EPB42: variants seen among roughly 807,000 people sequenced by gnomAD.
EPB42 encodes erythrocyte membrane protein band 4.2, also known as protein 4.2.
In EPB42, 49 loss-of-function variants were observed where a neutral mutation model predicts 76.9. The observed-to-expected ratio is 0.64, with a 90% confidence interval of 0.51 to 0.81. The LOEUF is 0.81. Among genes scored for constraint, EPB42 ranks in the 30% least tolerant of loss-of-function variants. EPB42 has a pLI of 0.00. For missense variants in EPB42, 731 were observed against 867.6 expected (o/e 0.84, Z 1.98); for synonymous variants, 310 against 338.4 (o/e 0.92, Z 0.92).
intron 12 of EPB42, among the ~76,000 whole-genome samples, chr15:43,197,717 G>C (rs908842910): frequency 6.6e-6 from 1 of 152,176 alleles, no homozygotes; most frequent in Admixed American, 6.5e-5. Flanking sequence ...TTTGTCATCT[G>C]TGACTTCCTT....
chr15:43,209,234 C>G, intron 6 of EPB42, 40 bp downstream of exon 6: 4 of 1,612,612 alleles, frequency 2.5e-6, no homozygotes, highest in Non-Finnish European at 3.4e-6. Context: ...AGGGAACAAC[C>G]CAGGAGGCAG....
At chr15:43,211,595 A>C in intron 3 of EPB42, 61 bp from the exon 4 acceptor site, 1 of 1,112,112 alleles carries the variant, frequency 9.0e-7, no homozygotes, top group Admixed American at 1.7e-5. Context: ...CTCCACATCC[A>C]GGCCTCTGTC....
chr15:43,207,424 G>C lies in EPB42; in HGVS notation c.1093C>G (p.Leu365Val), dbSNP rs760096920. Residue 365 changes from leucine (L) to valine (V), a missense_variant, in exon 9 of 13, where the codon CTG (leucine) becomes GTG (valine). Transcript: ENST00000441366. Reference sequence around the variant, plus strand: ...TCCTTGACTGCTCTGACCGGCACCAGATCACAGGACCCCAGGACTGAGGGA... The same window carrying C: ...TCCTTGACTGCTCTGACCGGCACCACATCACAGGACCCCAGGACTGAGGGA... ...NGGGVLGSCD[L>V]VPVRAVKEGT... 6.2e-7 allele frequency: 1 copy of C among 1,613,906 alleles called. No individual in the cohort carries two copies. Among genetic ancestry groups the C allele is most frequent in the Non-Finnish European group, 8.5e-7 (1 of 1,180,028 alleles).
chr15:43,217,344 C>A (rs2042394806), intron 1 of EPB42, among the ~76,000 whole-genome samples: 1 of 152,138 alleles, frequency 6.6e-6, no homozygotes, highest in South Asian at 2.1e-4. Context: ...TTTCCTGAGG[C>A]CTCCCCAGGA....
At chr15:43,217,100 T>C (rs1325433065) in intron 1 of EPB42, among the ~76,000 whole-genome samples, 1 of 152,242 alleles carries the variant, frequency 6.6e-6, no homozygotes, top group Non-Finnish European at 1.5e-5. Flanking sequence ...TGATATGGTT[T>C]GGCTTTGGGT....
intron 10 of EPB42, among the ~76,000 whole-genome samples, chr15:43,204,108 C>A (rs1046840283): frequency 6.6e-6 from 1 of 152,178 alleles, no homozygotes; most frequent in African/African-American, 2.4e-5. Flanking sequence ...TACTCCCCAG[C>A]CTCACCTTTT....
intron 3 of EPB42, among the ~76,000 whole-genome samples, chr15:43,213,048 C>T (rs965972874): frequency 6.6e-6 from 1 of 152,076 alleles, no homozygotes; most frequent in African/African-American, 2.4e-5. Flanking sequence ...AAATTACAGA[C>T]CCATATGCCC....
chr15:43,200,185 G>C (rs1352781714), intron 12 of EPB42, among the ~76,000 whole-genome samples: 1 of 152,094 alleles, frequency 6.6e-6, no homozygotes, highest in Non-Finnish European at 1.5e-5. Context: ...GACTTCCTTT[G>C]GGGAGCTTTG....
intron 3 of EPB42, among the ~76,000 whole-genome samples, 177 bp from the exon 4 acceptor site, chr15:43,211,711 C>T (rs1022361304): frequency 2.0e-5 from 3 of 152,174 alleles, no homozygotes; most frequent in African/African-American, 7.2e-5. Context: ...GGACCCAGCC[C>T]AGAGTCCCTG....
rs766672360 is a variant in EPB42 at position 43,220,815 on chromosome 15, C to T, written c.10+1G>A. 9.9e-6 allele frequency: 16 copies of T among 1,612,086 alleles called. No homozygotes were observed. The East Asian group carries it at 3.1e-4, about 31-fold the overall frequency. On this transcript the variant is annotated splice_donor_variant, in intron 1 of 12. Transcript: ENST00000441366. LOFTEE classifies it high-confidence loss of function. ...CCCTGTCGAGCGCTGGCTTGGCTCA[C>T]CCTGTCCCATGGTTGCAGGCCGCTC...
intron 4 of EPB42, among the ~76,000 whole-genome samples, chr15:43,210,960 G>C (rs945216328): frequency 6.6e-6 from 1 of 152,166 alleles, no homozygotes; most frequent in African/African-American, 2.4e-5. Context: ...CCCTGCCTTC[G>C]GGGATTGGGG....
upstream of EPB42, among the ~76,000 whole-genome samples, chr15:43,223,926 T>C (rs2042484881): frequency 6.6e-6 from 1 of 152,166 alleles, no homozygotes; most frequent in Admixed American, 6.6e-5. Flanking sequence ...TTAGCCAAGA[T>C]CATGCCACTG....
Position 43,203,102 on chromosome 15 carries a change from G to A in EPB42, c.1779+13C>T, listed in dbSNP as rs935660366. 5.0e-6 allele frequency: 8 copies of A among 1,613,870 alleles called. No individual in the cohort carries two copies. Among genetic ancestry groups the A allele is most frequent in the Admixed American group, 3.3e-5 (2 of 59,988 alleles). On this transcript the variant is annotated intron_variant, in intron 11 of 12. Coordinates refer to ENST00000441366, the MANE Select transcript of EPB42 (RefSeq NM_001114134.2). Reference sequence around the variant, plus strand: ...GGCAGACGAGGGCAACTCAGGGGAGGACTGGTGCCTACCTTGATGGCAAGG... The same window carrying A: ...GGCAGACGAGGGCAACTCAGGGGAGAACTGGTGCCTACCTTGATGGCAAGG...
chr15:43,222,548 C>T (rs886725398), upstream of EPB42, among the ~76,000 whole-genome samples: 1 of 152,182 alleles, frequency 6.6e-6, no homozygotes, highest in Non-Finnish European at 1.5e-5. Context: ...AAGTTTAATT[C>T]ATTCCCAATA....
At position 43,203,168 on chromosome 15, in the gene EPB42, T is replaced by C. The variant is rs1435652763; in HGVS notation, c.1726A>G (p.Ser576Gly). 1 of 1,613,872 alleles carries C rather than the reference T, an allele frequency of 6.2e-7. No homozygotes were observed. Among genetic ancestry groups the C allele is most frequent in the East Asian group, 2.2e-5 (1 of 44,866 alleles). ...GCAATGTCTTCCTGAGCAAAGCAGCTAAGGTTGGATTCAGAGTGTGTTGCC... is the reference window on the plus strand; with the variant it reads ...GCAATGTCTTCCTGAGCAAAGCAGCCAAGGTTGGATTCAGAGTGTGTTGCC... ...AMATHSESNL[S>G]CFAQEDIAIC... Residue 576 changes from serine (S) to glycine (G), a missense_variant, in exon 11 of 13, where the codon AGC (serine) becomes GGC (glycine). By Grantham distance (56) the Ser-to-Gly change is moderately conservative. Coordinates refer to ENST00000441366, the MANE Select transcript of EPB42 (RefSeq NM_001114134.2).
Position 43,204,387 on chromosome 15 carries a change from C to T in EPB42, c.1619-1112G>A, listed in dbSNP as rs186972150. On this transcript the variant is annotated intron_variant, in intron 10 of 12. Transcript: ENST00000441366. ...CTCTCATCTACTCACTGACCTCTCC[C>T]CACTGCCATGAGCTCATCTATGCCC... is the stretch of plus-strand genomic sequence containing the variant. Among the ~76,000 whole-genome samples the T allele has an allele frequency of 8.0e-4, 122 of 152,282 alleles. No individual in the cohort carries two copies. The Middle Eastern group carries it at 0.017, about 21-fold the overall frequency.
chr15:43,214,579 C>T (rs1004581449), intron 3 of EPB42, among the ~76,000 whole-genome samples: 2 of 152,148 alleles, frequency 1.3e-5, no homozygotes, highest in African/African-American at 4.8e-5. Context: ...GGCCGGGGAG[C>T]CTTATCAATT....
intron 6 of EPB42, 100 bp downstream of exon 6, chr15:43,209,173 CG>C: frequency 7.3e-7 from 1 of 1,367,386 alleles, no homozygotes; most frequent in Non-Finnish European, 1.0e-6. Flanking sequence ...GAAATGCGGC[CG>C]CAGGGAGGCA....
At chr15:43,200,467 C>A (rs2042108971) in intron 12 of EPB42, among the ~76,000 whole-genome samples, 1 of 152,134 alleles carries the variant, frequency 6.6e-6, no homozygotes, top group Admixed American at 6.5e-5. Context: ...ATACAGGAAA[C>A]TTCTACAGAT....
Sources: gnomAD v4.1 joint callset for allele counts (sites outside exome capture counted in the v4.1 genomes callset) on GRCh38, gnomAD v4.1.1 for gene constraint, MANE v1.5 for transcripts, NCBI Gene and HGNC (gene_info 2026-07-23, HGNC 2026-07-21) for gene names.